Variants in BRDT observed in about 807,000 individuals in gnomAD.
BRDT encodes the protein bromodomain testis-specific protein.
In BRDT, 77 loss-of-function variants were observed where a neutral mutation model predicts 113.9. The ratio of observed to expected loss-of-function variants is 0.68; its 90% confidence interval spans 0.56 to 0.82. The LOEUF (loss-of-function observed/expected upper bound fraction) is 0.82, where lower values mean the gene tolerates loss of function less well. Ranked by LOEUF, BRDT falls within the 40% of genes least tolerant of loss-of-function variation. BRDT has a pLI of 0.00. For missense variants in BRDT, 1,027 were observed against 1,105.4 expected, an observed-to-expected ratio of 0.93 and a Z score of 1.01; for synonymous variants, 358 against 366.5, an observed-to-expected ratio of 0.98 and a Z score of 0.26.
intron 4 of BRDT, among the ~76,000 whole-genome samples, chr1:91,970,882 A>G (rs1054037452): frequency 6.7e-6 from 1 of 148,646 alleles, no homozygotes; most frequent in East Asian, 2.0e-4. Context: ...GCAACAGAGC[A>G]ACAGAGCGAC....
chr1:91,998,688 G>A (rs779927749), intron 15 of BRDT, among the ~76,000 whole-genome samples: 2 of 152,174 alleles, frequency 1.3e-5, no homozygotes, highest in Non-Finnish European at 2.9e-5. Context: ...GTTTAAGGAG[G>A]TGAAGAAGGC....
At chr1:91,950,714 A>C (rs1164331728) in intron 1 of BRDT, 1 of 103,382 alleles carries the variant, frequency 9.7e-6, no homozygotes, top group East Asian at 2.8e-4. Flanking sequence ...TTTTTAATAC[A>C]GATAGCTGCT....
At chr1:91,951,793 A>AG (rs1681118339) in intron 1 of BRDT, among the ~76,000 whole-genome samples, 1 of 152,040 alleles carries the variant, frequency 6.6e-6, no homozygotes. Context: ...GAGGTGGCTC[A>AG]GGCCTGTAAT....
intron 1 of BRDT, among the ~76,000 whole-genome samples, chr1:91,957,851 G>A (rs1250725615): frequency 6.6e-6 from 1 of 151,792 alleles, no homozygotes; most frequent in Non-Finnish European, 1.5e-5. Flanking sequence ...TTTTGTTTTT[G>A]TTTTTGTTTT....
chr1:92,011,369 A>T lies in BRDT; in HGVS notation c.2776-2837A>T, dbSNP rs140820709. 1.1e-4 allele frequency among the ~76,000 whole-genome samples: 16 copies of T among 152,316 alleles called. No individual in the cohort carries two copies. The East Asian group carries it at 3.1e-3, about 29-fold the overall frequency. On this transcript the variant is annotated intron_variant, in intron 18 of 18. Transcript: ENST00000399546. Reference sequence around the variant, plus strand: ...AATGCAACTAAGGAACTGAATTTTAAACTTTAATTTTAATGAACTCAATTT... The same window carrying T: ...AATGCAACTAAGGAACTGAATTTTATACTTTAATTTTAATGAACTCAATTT...
At chr1:91,958,216 T>C (rs373926668) in intron 1 of BRDT, among the ~76,000 whole-genome samples, 9,260 of 146,930 alleles carry the variant, frequency 0.063, 311 homozygotes, top group African/African-American at 0.087. Flanking sequence ...CTCATGCCCT[T>C]TTTTTTTTTT....
chr1:91,950,691 T>TTTC (rs1680957522), intron 1 of BRDT: 1 of 142,362 alleles, frequency 7.0e-6, no homozygotes, highest in Non-Finnish European at 1.5e-5. Context: ...TTGCTTTTTT[T>TTTC]TTTTTTTTTT....
intron 7 of BRDT, among the ~76,000 whole-genome samples, chr1:91,979,011 A>AACAACAAC: frequency 7.6e-6 from 1 of 130,814 alleles, no homozygotes; most frequent in South Asian, 2.4e-4. Flanking sequence ...AAAAAAAAAA[A>AACAACAAC]AACAACAACA....
rs770972379 is a variant in BRDT at position 92,002,042 on chromosome 1, C to T, written c.2288-7C>T. 4.4e-6 allele frequency: 7 copies of T among 1,585,628 alleles called. No individual in the cohort carries two copies. In the African/African-American group the frequency reaches 6.8e-5, roughly 15 times the overall value. On this transcript the variant is annotated splice_polypyrimidine_tract_variant and splice_region_variant and intron_variant, in intron 15 of 18. Transcript: ENST00000399546. The stretch of plus-strand genomic sequence containing the variant: ...AATTATACTATTCTAAAAATGTGTG[C>T]ATCCAGGTGATTCTGAACAGCTCTC...
Position 91,952,689 on chromosome 1 carries a change from G to A in BRDT, c.-38+3007G>A, listed in dbSNP as rs192849932. On this transcript the variant is annotated intron_variant, in intron 1 of 18. Coordinates refer to ENST00000399546, the MANE Select transcript of BRDT (RefSeq NM_207189.4). ...AGCACAACGGTTCATGCCTGTGATCGTAGCACTTGGGGAGCTTGAGGCAGG... is the reference window on the plus strand; with the variant it reads ...AGCACAACGGTTCATGCCTGTGATCATAGCACTTGGGGAGCTTGAGGCAGG... Among the ~76,000 whole-genome samples the A allele has an allele frequency of 2.1e-4, 31 of 150,374 alleles. No individual in the cohort carries two copies. The East Asian group carries it at 5.7e-3, about 28-fold the overall frequency.
chr1:91,958,510 C>T (rs1223465350), intron 1 of BRDT, among the ~76,000 whole-genome samples: 1 of 152,166 alleles, frequency 6.6e-6, no homozygotes. Context: ...GCCACCACGC[C>T]CAGCCGATAG....
At position 91,979,702 on chromosome 1, in the gene BRDT, C is replaced by A. The variant is rs1256168899; in HGVS notation, c.1232C>A (p.Ser411Tyr). The A allele has an allele frequency of 6.2e-7, 1 of 1,613,408 alleles. No homozygotes were observed. Among genetic ancestry groups the A allele is most frequent in the Non-Finnish European group, 8.5e-7 (1 of 1,179,876 alleles). ...NTNEASSEGN[S>Y]SDDSEDERVK... ...AATGAAGCCTCCTCTGAAGGGAACT[C>A]TTCTGATGATTCTGAAGATGAGCGA... Residue 411 changes from serine (S) to tyrosine (Y), a missense_variant, in exon 8 of 19, where the codon TCT (serine) becomes TAT (tyrosine). Transcript: ENST00000399546.
At chr1:91,979,337 T>TC (rs1037417900) in intron 7 of BRDT, among the ~76,000 whole-genome samples, 8 of 151,904 alleles carry the variant, frequency 5.3e-5, no homozygotes, top group African/African-American at 1.9e-4. Flanking sequence ...GGTCTTGATC[T>TC]CCCCCATCTC....
Position 91,981,766 on chromosome 1 carries a change from C to T in BRDT, c.2002+11C>T, listed in dbSNP as rs776321626. ...GTGATTCTGAATCAGGTTAGCTGTCCCCTTAAATGTACCTCTGTTGATGGG... is the reference window on the plus strand; with the variant it reads ...GTGATTCTGAATCAGGTTAGCTGTCTCCTTAAATGTACCTCTGTTGATGGG... On this transcript the variant is annotated intron_variant, in intron 12 of 18. Coordinates refer to ENST00000399546, the MANE Select transcript of BRDT (RefSeq NM_207189.4). 3.8e-5 allele frequency: 60 copies of T among 1,598,512 alleles called. No homozygotes were observed. The Admixed American group carries it at 5.1e-4, about 13-fold the overall frequency.
Position 91,997,586 on chromosome 1 carries a change from CTT to C in BRDT, c.2287+3333_2287+3334del, listed in dbSNP as rs1686462993. On this transcript the variant is annotated intron_variant, in intron 15 of 18. Transcript: ENST00000399546. ...GGTGAGAATGTAGTCAAGGTGTTCT[CTT>C]ATTCCTAATTTAAGAAAACACCCTA... Among the ~76,000 whole-genome samples, 4 of 152,238 alleles carry C rather than the reference CTT, an allele frequency of 2.6e-5. No individual in the cohort carries two copies. The South Asian group carries it at 8.3e-4, about 32-fold the overall frequency.
At chr1:92,013,761 C>T (rs1227110660) in intron 18 of BRDT, among the ~76,000 whole-genome samples, 5 of 152,126 alleles carry the variant, frequency 3.3e-5, no homozygotes, top group African/African-American at 1.2e-4. Flanking sequence ...AAGGAAAGCC[C>T]ATAGTTTTAG....
At chr1:91,974,012 C>T (rs1214931202) in intron 4 of BRDT, among the ~76,000 whole-genome samples, 2 of 152,080 alleles carry the variant, frequency 1.3e-5, no homozygotes, top group East Asian at 3.9e-4. Flanking sequence ...CTTTGACAAA[C>T]CTGACAAAAA....
chr1:91,963,491 A>G (rs1437446433), intron 2 of BRDT, among the ~76,000 whole-genome samples: 2 of 152,122 alleles, frequency 1.3e-5, no homozygotes, highest in Admixed American at 1.3e-4. Context: ...ATGTCACTTC[A>G]CCTTTTGGAT....
intron 15 of BRDT, among the ~76,000 whole-genome samples, chr1:91,994,867 CAAAAAAAAAA>C (rs11330809): frequency 7.6e-5 from 5 of 65,472 alleles, no homozygotes; most frequent in African/African-American, 3.3e-4. Context: ...GACTCCGTCT[CAAAAAAAAAA>C]AAAAAAAAAA....
Sources: allele counts gnomAD v4.1 joint callset (sites outside exome capture counted in the v4.1 genomes callset), GRCh38; gene constraint gnomAD v4.1.1; transcripts MANE v1.5; gene names NCBI Gene and HGNC (gene_info 2026-07-23, HGNC 2026-07-21).